Variants in TRPC3 observed in about 807,000 individuals in gnomAD.
TRPC3 encodes transient receptor potential cation channel subfamily C member 3, also known as short transient receptor potential channel 3.
A neutral mutation model predicts 90.9 loss-of-function variants in TRPC3; 54 were observed. The observed-to-expected ratio is 0.59, with a 90% CI of 0.48 to 0.75. The LOEUF is 0.75. Ranked by LOEUF, TRPC3 falls within the 30% of genes least tolerant of loss-of-function variation. The probability of loss-of-function intolerance (pLI) is 0.00; values close to 1 mark genes in which losing one functional copy is unlikely to be tolerated. For missense variants in TRPC3, 918 were observed against 1,194.5 expected (o/e 0.77, Z 3.41); for synonymous variants, 424 against 450.9 (o/e 0.94, Z 0.75).
intron 10 of TRPC3, among the ~76,000 whole-genome samples, chr4:121,890,367 G>A (rs1008243948): frequency 6.6e-6 from 1 of 152,154 alleles, no homozygotes; most frequent in African/African-American, 2.4e-5. Flanking sequence ...TGATGAACAT[G>A]CCAAATACAC....
intron 4 of TRPC3, among the ~76,000 whole-genome samples, chr4:121,913,705 G>A (rs914742364): frequency 3.3e-5 from 5 of 151,946 alleles, no homozygotes; most frequent in East Asian, 1.9e-4. Flanking sequence ...TAGTGTTTAC[G>A]TATTTGAAGA....
At position 121,874,601 on chromosome 4, in the gene TRPC3, C is replaced by T. The variant is rs943159059; in HGVS notation, c.*5135G>A. ...CCTCTCTTCTTGGCTTATAGATCGT[C>T]ATCTTCTCCGTGTCTTCACGTGGTC... On this transcript the variant is annotated 3_prime_UTR_variant, in exon 12 of 12. Coordinates refer to ENST00000379645, the MANE Select transcript of TRPC3 (RefSeq NM_001130698.2). 2.0e-5 allele frequency among the ~76,000 whole-genome samples: 3 copies of T among 152,208 alleles called. No homozygotes were observed. The highest frequency in any genetic ancestry group is 4.4e-5 in the Non-Finnish European group (3 of 68,034).
intron 10 of TRPC3, among the ~76,000 whole-genome samples, chr4:121,898,450 A>C (rs908209968): frequency 6.6e-6 from 1 of 151,976 alleles, no homozygotes; most frequent in Non-Finnish European, 1.5e-5. Flanking sequence ...TAGGGTGTGC[A>C]CTCCTTATGA....
intron 1 of TRPC3, among the ~76,000 whole-genome samples, chr4:121,942,303 T>C (rs1004912086): frequency 4.6e-5 from 7 of 152,214 alleles, no homozygotes; most frequent in African/African-American, 1.2e-4. Context: ...GGCTCATGCC[T>C]ATAATCCCAG....
At chr4:121,945,992 C>CACTAA (rs1334248157) in intron 1 of TRPC3, among the ~76,000 whole-genome samples, 2 of 151,978 alleles carry the variant, frequency 1.3e-5, no homozygotes, top group Non-Finnish European at 2.9e-5. Flanking sequence ...GAAATAAATT[C>CACTAA]AGTGAAAGAG....
intron 10 of TRPC3, among the ~76,000 whole-genome samples, chr4:121,885,958 T>C (rs1728100978): frequency 6.6e-6 from 1 of 152,184 alleles, no homozygotes; most frequent in Non-Finnish European, 1.5e-5. Context: ...ATTTTCTCTG[T>C]CCAGGGTATG....
Position 121,889,856 on chromosome 4 carries a change from A to G in TRPC3, c.2548-7427T>C, listed in dbSNP as rs536011279. Among the ~76,000 whole-genome samples the G allele has an allele frequency of 7.7e-4, 117 of 152,288 alleles. 2 individuals are homozygous for G. Among genetic ancestry groups the G allele is most frequent in the Non-Finnish European group, 3.2e-4 (22 of 68,014 alleles). On this transcript the variant is annotated intron_variant, in intron 10 of 11. Coordinates refer to ENST00000379645, the MANE Select transcript of TRPC3 (RefSeq NM_001130698.2). ...AATGAAATCAGTATGTTGAAGAGAC[A>G]TCTGTACTCCCATGTTTACTGCAGC... is the stretch of plus-strand genomic sequence containing the variant.
intron 2 of TRPC3, among the ~76,000 whole-genome samples, chr4:121,930,526 T>C (rs1389442671): frequency 2.0e-5 from 3 of 152,172 alleles, no homozygotes; most frequent in South Asian, 4.1e-4. Flanking sequence ...TCTCTTACCA[T>C]GGTTGCACTG....
At chr4:121,906,098 A>G (rs962513044) in intron 7 of TRPC3, among the ~76,000 whole-genome samples, 33 of 152,196 alleles carry the variant, frequency 2.2e-4, no homozygotes, top group Non-Finnish European at 4.4e-4. Flanking sequence ...TACTGTGGGC[A>G]AGAGGCTTTA....
intron 9 of TRPC3, among the ~76,000 whole-genome samples, chr4:121,901,557 C>T (rs189986087): frequency 5.9e-5 from 9 of 152,342 alleles, no homozygotes; most frequent in Admixed American, 5.9e-4. Flanking sequence ...ATACCTACCT[C>T]ACAGCGTTGC....
chr4:121,915,973 A>C (rs753809484), intron 3 of TRPC3, among the ~76,000 whole-genome samples: 1 of 152,194 alleles, frequency 6.6e-6, no homozygotes, highest in Non-Finnish European at 1.5e-5. Flanking sequence ...TCAAGGTGTC[A>C]CTGTCTTCTA....
intron 3 of TRPC3, among the ~76,000 whole-genome samples, chr4:121,921,856 G>A (rs1326726803): frequency 1.3e-5 from 2 of 151,610 alleles, no homozygotes; most frequent in Non-Finnish European, 2.9e-5. Flanking sequence ...CCTCCTGTGA[G>A]AATGAAGATG....
intron 1 of TRPC3, among the ~76,000 whole-genome samples, chr4:121,934,125 T>C (rs1216581305): frequency 6.6e-6 from 1 of 152,234 alleles, no homozygotes; most frequent in African/African-American, 2.4e-5. Context: ...CAAAGTTATG[T>C]CAATTGATGT....
At chr4:121,911,021 ACAACTTAACAAATTGTC>A (rs954760791) in intron 5 of TRPC3, among the ~76,000 whole-genome samples, 42 of 152,354 alleles carry the variant, frequency 2.8e-4, no homozygotes, top group African/African-American at 7.5e-4. Flanking sequence ...GTACAACTTA[ACAACTTAACAAATTGTC>A]CAACTTAACA....
intron 9 of TRPC3, among the ~76,000 whole-genome samples, chr4:121,900,345 T>C (rs538778667): frequency 1.4e-4 from 21 of 152,316 alleles, no homozygotes; most frequent in African/African-American, 4.1e-4. Context: ...GAGCAGGGCC[T>C]CTTATCTGTG....
rs201449030 is a variant in TRPC3 at position 121,932,481 on chromosome 4, G to A, written c.777C>T (p.Ile259=). 1.9e-6 allele frequency: 3 copies of A among 1,614,198 alleles called. No homozygotes were observed. The highest frequency in any genetic ancestry group is 2.2e-5 in the South Asian group (2 of 91,086). ...VHMLLMKGAR[I]ERPHDYFCKC... ...TGCAGAAATAGTCGTGCGGCCGCTCGATCCTGGCACCCTTCATCAGCAGCA... is the reference window on the plus strand; with the variant it reads ...TGCAGAAATAGTCGTGCGGCCGCTCAATCCTGGCACCCTTCATCAGCAGCA... The change falls in exon 2 of 12, where the codon ATC becomes ATT. Residue 259 remains isoleucine (I), a synonymous_variant. Transcript: ENST00000379645. This position sits in a 1 kb window ranked among gnomAD's most constrained non-coding sequence, Gnocchi z 7.7.
intron 1 of TRPC3, among the ~76,000 whole-genome samples, chr4:121,948,843 T>TTG (rs1056980628): frequency 2.5e-4 from 36 of 142,772 alleles, no homozygotes; most frequent in Middle Eastern, 3.5e-3. Context: ...CTTTGCGGTT[T>TTG]TTTTTTTGTT....
At chr4:121,941,615 GA>G (rs1730314614) in intron 1 of TRPC3, among the ~76,000 whole-genome samples, 1 of 150,760 alleles carries the variant, frequency 6.6e-6, no homozygotes, top group South Asian at 2.1e-4. Context: ...GAGAAGAAAA[GA>G]CAAGAAAGTC....
chr4:121,942,452 C>T (rs1294819626), intron 1 of TRPC3, among the ~76,000 whole-genome samples: 3 of 152,162 alleles, frequency 2.0e-5, no homozygotes, highest in Admixed American at 1.3e-4. Flanking sequence ...ATCCCAGCTA[C>T]TCGGGAGGCT....
Sources: allele counts gnomAD v4.1 joint callset (sites outside exome capture counted in the v4.1 genomes callset), GRCh38; gene constraint gnomAD v4.1.1; non-coding constraint Gnocchi (gnomAD v3.1); transcripts MANE v1.5; gene names NCBI Gene and HGNC (gene_info 2026-07-23, HGNC 2026-07-21).